Variants in PPP2R3A observed in about 807,000 individuals in gnomAD.
PPP2R3A encodes serine/threonine-protein phosphatase 2A regulatory subunit B'' subunit alpha.
A neutral mutation model predicts 106.9 loss-of-function variants in PPP2R3A; 80 were observed. The ratio of observed to expected loss-of-function variants is 0.75; its 90% CI spans 0.62 to 0.90. The LOEUF is 0.90. Ranked by LOEUF, PPP2R3A falls within the 40% of genes least tolerant of loss-of-function variation. PPP2R3A has a pLI of 0.00. For synonymous variants in PPP2R3A, 483 were observed against 468.3 expected (o/e 1.03, Z -0.41); for missense variants, 1,386 against 1,350.4 (o/e 1.03, Z -0.41).
At chr3:135,986,746 G>A (rs1932937086) in intron 1 of PPP2R3A, among the ~76,000 whole-genome samples, 1 of 152,040 alleles carries the variant, frequency 6.6e-6, no homozygotes, top group African/African-American at 2.4e-5. Context: ...ACTACCCTAA[G>A]TGCTTTATAA....
intron 13 of PPP2R3A, among the ~76,000 whole-genome samples, chr3:136,120,980 G>A (rs774705167): frequency 8.5e-4 from 129 of 152,208 alleles, no homozygotes; most frequent in Non-Finnish European, 1.7e-3. Context: ...TACACTGCTG[G>A]TGGATGGGAA....
intron 2 of PPP2R3A, among the ~76,000 whole-genome samples, chr3:136,008,790 C>T (rs1933940319): frequency 6.6e-6 from 1 of 152,096 alleles, no homozygotes; most frequent in Admixed American, 6.5e-5. Flanking sequence ...CCACCCTTGG[C>T]AGGAGTGAAG....
intron 1 of PPP2R3A, among the ~76,000 whole-genome samples, chr3:135,986,018 C>G (rs1486437677): frequency 2.6e-5 from 4 of 151,962 alleles, no homozygotes; most frequent in Non-Finnish European, 5.9e-5. Context: ...GGAGAGCACA[C>G]AGGGAGAATG....
chr3:136,089,960 A>G (rs1937054114), intron 9 of PPP2R3A, among the ~76,000 whole-genome samples: 1 of 152,200 alleles, frequency 6.6e-6, no homozygotes, highest in African/African-American at 2.4e-5. Flanking sequence ...TTGATTTTGT[A>G]TCCCGAAACT....
chr3:135,972,504 A>G (rs1937278901), intron 1 of PPP2R3A, among the ~76,000 whole-genome samples: 3 of 152,212 alleles, frequency 2.0e-5, no homozygotes, highest in Admixed American at 6.5e-5. Flanking sequence ...GGATTATGAA[A>G]TAATTCTATG....
At chr3:136,015,750 A>C (rs4331626) in intron 2 of PPP2R3A, among the ~76,000 whole-genome samples, 100,369 of 151,434 alleles carry the variant, frequency 0.66, 35,286 homozygotes, top group African/African-American at 0.9. Flanking sequence ...TTTTGTTTAT[A>C]TTTTCAAAGA....
chr3:136,040,655 G>T (rs1039938298), intron 3 of PPP2R3A, among the ~76,000 whole-genome samples: 5 of 151,954 alleles, frequency 3.3e-5, no homozygotes, highest in African/African-American at 1.2e-4. Flanking sequence ...TTTCTTCATT[G>T]AACATGTTCT....
chr3:136,080,568 T>C (rs1315918938), intron 7 of PPP2R3A, among the ~76,000 whole-genome samples: 1 of 152,234 alleles, frequency 6.6e-6, no homozygotes, highest in Non-Finnish European at 1.5e-5. Context: ...ATTGAAAGTG[T>C]TCTGCTTCTT....
chr3:136,121,652 A>G lies in PPP2R3A; in HGVS notation c.3329+15330A>G, dbSNP rs546088898. The stretch of plus-strand genomic sequence containing the variant: ...CAATTTCTAAGAGATGAAAGCTTTA[A>G]TAACTAACTGAATTGTAACTAATAT... On this transcript the variant is annotated intron_variant, in intron 13 of 13. Transcript: ENST00000264977. 2.0e-5 allele frequency among the ~76,000 whole-genome samples: 3 copies of G among 152,344 alleles called. No homozygotes were observed. The East Asian group carries it at 5.8e-4, about 29-fold the overall frequency.
intron 13 of PPP2R3A, among the ~76,000 whole-genome samples, chr3:136,142,978 A>G (rs1389537216): frequency 8.5e-5 from 13 of 152,334 alleles, no homozygotes; most frequent in Admixed American, 7.2e-4. Flanking sequence ...ATTAGCGGAA[A>G]GTTCCTCTCC....
intron 3 of PPP2R3A, among the ~76,000 whole-genome samples, chr3:136,039,589 C>G (rs1210205417): frequency 6.6e-6 from 1 of 152,012 alleles, no homozygotes; most frequent in Non-Finnish European, 1.5e-5. Flanking sequence ...AGGGTTCACT[C>G]TCCTATAACA....
Position 136,090,563 on chromosome 3 carries a change from A to G in PPP2R3A, c.2838-15A>G. On this transcript the variant is annotated splice_polypyrimidine_tract_variant and intron_variant, in intron 9 of 13. Coordinates refer to ENST00000264977, the MANE Select transcript of PPP2R3A (RefSeq NM_002718.5). ...TAATTGCTCAGGAAATTTTATAACC[A>G]TGTGTTTTCTTTAGGGGAAAAACAA... 1.1e-5 allele frequency: 17 copies of G among 1,601,536 alleles called. No homozygotes were observed. The highest frequency in any genetic ancestry group is 1.3e-5 in the Non-Finnish European group (15 of 1,168,984).
chr3:136,088,621 A>G (rs1937018340), intron 9 of PPP2R3A, among the ~76,000 whole-genome samples: 1 of 152,110 alleles, frequency 6.6e-6, no homozygotes, highest in Non-Finnish European at 1.5e-5. Flanking sequence ...CAGTAATGGG[A>G]TTGCTGGGTC....
intron 7 of PPP2R3A, among the ~76,000 whole-genome samples, chr3:136,080,658 T>A (rs1936753130): frequency 6.6e-6 from 1 of 152,248 alleles, no homozygotes; most frequent in South Asian, 2.1e-4. Flanking sequence ...TTTATCACCC[T>A]TATACAACTA....
chr3:136,126,074 G>A (rs778355198), intron 13 of PPP2R3A, among the ~76,000 whole-genome samples: 16 of 152,206 alleles, frequency 1.1e-4, no homozygotes, highest in Non-Finnish European at 1.8e-4. Context: ...CAGCATGATC[G>A]ATGCAGAAGA....
chr3:136,106,965 T>C (rs1464317855), intron 13 of PPP2R3A: 3 of 147,874 alleles, frequency 2.0e-5, no homozygotes, highest in Non-Finnish European at 3.0e-5. Flanking sequence ...CTAAAGCTCC[T>C]TCAATAATAA....
intron 2 of PPP2R3A, among the ~76,000 whole-genome samples, chr3:136,011,974 TAC>T (rs961223158): frequency 1.2e-4 from 17 of 136,492 alleles, no homozygotes; most frequent in East Asian, 4.1e-4. Context: ...TGAGAAATCA[TAC>T]ACACACACAC....
intron 1 of PPP2R3A, among the ~76,000 whole-genome samples, chr3:135,967,304 A>G (rs1937117026): frequency 1.3e-5 from 2 of 152,242 alleles, no homozygotes; most frequent in Non-Finnish European, 2.9e-5. Flanking sequence ...TACTGGGGCC[A>G]ATCTGGCTGT....
At chr3:136,054,532 C>T (rs748964607) in intron 5 of PPP2R3A, among the ~76,000 whole-genome samples, 3 of 152,192 alleles carry the variant, frequency 2.0e-5, no homozygotes, top group Non-Finnish European at 4.4e-5. Flanking sequence ...GCTGAGATTA[C>T]AGGCATGAGC....
Sources: allele counts gnomAD v4.1 joint callset (sites outside exome capture counted in the v4.1 genomes callset), GRCh38; gene constraint gnomAD v4.1.1; transcripts MANE v1.5; gene names NCBI Gene and HGNC (gene_info 2026-07-23, HGNC 2026-07-21).